BLOC1S5: variants seen among roughly 807,000 people sequenced by gnomAD.
BLOC1S5 encodes the protein biogenesis of lysosome-related organelles complex 1 subunit 5.
In BLOC1S5, 27 loss-of-function variants were observed where a neutral mutation model predicts 24.3. The ratio of observed to expected loss-of-function variants is 1.11; its 90% CI spans 0.82 to 1.53. The LOEUF is 1.53. Among genes scored for constraint, BLOC1S5 ranks in the 40% most tolerant of loss-of-function variants. BLOC1S5 has a pLI of 0.00. For missense variants in BLOC1S5, 239 were observed against 229.4 expected (o/e 1.04, Z -0.27); for synonymous variants, 84 against 74.5 (o/e 1.13, Z -0.66).
At chr6:8,020,458 C>T (rs994381493) in intron 4 of BLOC1S5, among the ~76,000 whole-genome samples, 5 of 152,212 alleles carry the variant, frequency 3.3e-5, no homozygotes, top group African/African-American at 1.2e-4. Flanking sequence ...GCCCTAGGGG[C>T]CAGTTCTTCT....
At chr6:8,017,361 G>A (rs1430162174) in intron 4 of BLOC1S5, among the ~76,000 whole-genome samples, 6 of 148,268 alleles carry the variant, frequency 4.0e-5, no homozygotes, top group African/African-American at 1.2e-4. Context: ...CTGGGTAACA[G>A]AGCGAGACTC....
intron 3 of BLOC1S5, among the ~76,000 whole-genome samples, 168 bp downstream of exon 3, chr6:8,040,971 G>A (rs1181415054): frequency 6.6e-6 from 1 of 152,166 alleles, no homozygotes; most frequent in African/African-American, 2.4e-5. Context: ...GATTAATGCT[G>A]TTTGGAGATT....
chr6:8,042,569 C>A (rs780919483), intron 2 of BLOC1S5, among the ~76,000 whole-genome samples: 1 of 152,278 alleles, frequency 6.6e-6, no homozygotes, highest in Admixed American at 6.5e-5. Flanking sequence ...CAGCCCAAGA[C>A]GGCTTTGAAT....
chr6:8,040,476 A>G (rs1165820614), intron 3 of BLOC1S5, among the ~76,000 whole-genome samples: 2 of 152,232 alleles, frequency 1.3e-5, no homozygotes, highest in Non-Finnish European at 2.9e-5. Flanking sequence ...AAAAAACTTC[A>G]CCATTTACTA....
At chr6:8,059,895 C>T (rs965712775) in intron 2 of BLOC1S5, among the ~76,000 whole-genome samples, 1 of 152,234 alleles carries the variant, frequency 6.6e-6, no homozygotes, top group African/African-American at 2.4e-5. Flanking sequence ...AAAGACCATT[C>T]TTCAAAGCAC....
chr6:8,049,091 C>G (rs1764015628), intron 2 of BLOC1S5, among the ~76,000 whole-genome samples: 1 of 149,198 alleles, frequency 6.7e-6, no homozygotes, highest in African/African-American at 2.5e-5. Context: ...AAGAAAGAGG[C>G]CAGGTACAGT....
chr6:8,028,137 C>T (rs1441110762), intron 3 of BLOC1S5, among the ~76,000 whole-genome samples: 1 of 152,080 alleles, frequency 6.6e-6, no homozygotes, highest in African/African-American at 2.4e-5. Context: ...TACCCCACCC[C>T]AATCCGGCCC....
intron 4 of BLOC1S5, among the ~76,000 whole-genome samples, chr6:8,022,608 G>A (rs113918853): frequency 1.1e-5 from 1 of 89,372 alleles, no homozygotes; most frequent in African/African-American, 4.0e-5. Context: ...TTTTTGAGAC[G>A]GAGTCTCGCT....
chr6:8,035,120 G>A (rs1329159761), intron 3 of BLOC1S5, among the ~76,000 whole-genome samples: 4 of 151,894 alleles, frequency 2.6e-5, no homozygotes, highest in Admixed American at 6.6e-5. Flanking sequence ...TTATGTTCTC[G>A]CTTATAAGTG....
intron 3 of BLOC1S5, among the ~76,000 whole-genome samples, chr6:8,033,713 T>G (rs1346381737): frequency 1.3e-5 from 2 of 152,046 alleles, no homozygotes; most frequent in Non-Finnish European, 1.5e-5. Flanking sequence ...GGGAGAAAAT[T>G]TTTGCAATCT....
chr6:8,038,645 T>C (rs1240191386), intron 3 of BLOC1S5, among the ~76,000 whole-genome samples: 1 of 152,164 alleles, frequency 6.6e-6, no homozygotes, highest in Non-Finnish European at 1.5e-5. Flanking sequence ...CCACCATGCC[T>C]GGCTACTTCT....
chr6:8,029,823 G>A (rs969264431), intron 3 of BLOC1S5, among the ~76,000 whole-genome samples: 7 of 152,186 alleles, frequency 4.6e-5, no homozygotes, highest in African/African-American at 1.7e-4. Context: ...AAAAGAAGCA[G>A]TGATCTAGTG....
chr6:8,059,320 A>C (rs987176354), intron 2 of BLOC1S5, among the ~76,000 whole-genome samples: 2 of 152,250 alleles, frequency 1.3e-5, no homozygotes, highest in Non-Finnish European at 2.9e-5. Context: ...GACTTCAATA[A>C]TTTAAGTAAT....
intron 2 of BLOC1S5, among the ~76,000 whole-genome samples, chr6:8,058,356 T>G (rs1488591737): frequency 9.9e-5 from 3 of 30,298 alleles, no homozygotes; most frequent in African/African-American, 3.9e-4. Context: ...CCTGTCTCTA[T>G]GAAAAAAAAA....
intron 4 of BLOC1S5, among the ~76,000 whole-genome samples, chr6:8,022,133 C>T (rs1581395337): frequency 6.6e-6 from 1 of 151,420 alleles, no homozygotes. Context: ...TGCAGAGATT[C>T]GTCTAAGTCA....
rs1245942147 is a variant in BLOC1S5 at position 8,062,622 on chromosome 6, A to G, written c.113-6T>C. 5 of 1,576,140 alleles carry G rather than the reference A, an allele frequency of 3.2e-6. No individual in the cohort carries two copies. The highest frequency in any genetic ancestry group is 4.3e-6 in the Non-Finnish European group (5 of 1,151,690). ...TGAATGAATTTCTCCAAGATCTATAAAGATAAAATGAAATTCAGGGTTAAT... is the reference window on the plus strand; with the variant it reads ...TGAATGAATTTCTCCAAGATCTATAGAGATAAAATGAAATTCAGGGTTAAT... On this transcript the variant is annotated splice_polypyrimidine_tract_variant and splice_region_variant and intron_variant, in intron 1 of 4. Coordinates refer to ENST00000397457, the MANE Select transcript of BLOC1S5 (RefSeq NM_201280.3).
chr6:8,020,606 G>A lies in BLOC1S5; in HGVS notation c.385-4778C>T, dbSNP rs115716967. Reference sequence around the variant, plus strand: ...TCATTTGCTGGAACAAATCTGGAGGGAGAGCCCCTAAAACTTCTGAGTGAG... The same window carrying A: ...TCATTTGCTGGAACAAATCTGGAGGAAGAGCCCCTAAAACTTCTGAGTGAG... On this transcript the variant is annotated intron_variant, in intron 4 of 4. Coordinates refer to ENST00000397457, the MANE Select transcript of BLOC1S5 (RefSeq NM_201280.3). Among the ~76,000 whole-genome samples, 1,431 of 152,334 alleles carry A rather than the reference G, an allele frequency of 9.4e-3. 26 individuals carry two copies. The highest frequency in any genetic ancestry group is 0.033 in the African/African-American group (1,363 of 41,574).
At chr6:8,027,797 T>G (rs1375278661) in intron 3 of BLOC1S5, among the ~76,000 whole-genome samples, 2 of 141,460 alleles carry the variant, frequency 1.4e-5, no homozygotes, top group Non-Finnish European at 3.0e-5. Context: ...CACTCCAGCC[T>G]GGGCAACAGA....
At chr6:8,021,732 A>G (rs1331535342) in intron 4 of BLOC1S5, among the ~76,000 whole-genome samples, 1 of 150,460 alleles carries the variant, frequency 6.6e-6, no homozygotes, top group Admixed American at 6.6e-5. Context: ...GGTAAATGTT[A>G]TATTATATGA....
Sources: allele counts gnomAD v4.1 joint callset (sites outside exome capture counted in the v4.1 genomes callset), GRCh38; gene constraint gnomAD v4.1.1; transcripts MANE v1.5; gene names NCBI Gene and HGNC (gene_info 2026-07-23, HGNC 2026-07-21).